Variants in SEMA3C observed in about 807,000 individuals in gnomAD.
SEMA3C encodes the protein semaphorin-3C.
SEMA3C carries 47 observed loss-of-function variants against 89.4 expected under a neutral mutation model. That is an observed-to-expected ratio of 0.53 (90% CI 0.42 to 0.67). SEMA3C has a LOEUF of 0.67. SEMA3C is among the 30% of genes least tolerant of loss of function. The probability of loss-of-function intolerance (pLI) is 0.00; values close to 1 mark genes in which losing one functional copy is unlikely to be tolerated. For synonymous variants in SEMA3C, 310 were observed against 320.2 expected (o/e 0.97, Z 0.34); for missense variants, 839 against 929.1 (o/e 0.90, Z 1.26).
Position 80,765,212 on chromosome 7 carries a change from A to G in SEMA3C, c.1386T>C (p.Leu462=), listed in dbSNP as rs750328099. 2.5e-6 allele frequency: 4 copies of G among 1,613,784 alleles called. No individual in the cohort carries two copies. The African/African-American group carries it at 5.3e-5, about 22-fold the overall frequency. The change falls in exon 13 of 18, where the codon CTT becomes CTC. Residue 462 remains leucine (L), a synonymous_variant. Coordinates refer to ENST00000265361, the MANE Select transcript of SEMA3C (RefSeq NM_006379.5). Reference sequence around the variant, plus strand: ...CGCCACTGACAGAGTTGTTAGTAGGAAGAACAACCACTTTTTGCACAGTAC... The same window carrying G: ...CGCCACTGACAGAGTTGTTAGTAGGGAGAACAACCACTTTTTGCACAGTAC... ...DRGTVQKVVV[L]PTNNSVSGEL... is the part of the protein sequence containing the mutation.
chr7:80,903,638 G>C (rs1373102068), intron 2 of SEMA3C, among the ~76,000 whole-genome samples: 1 of 152,168 alleles, frequency 6.6e-6, no homozygotes, highest in Admixed American at 6.5e-5. Flanking sequence ...CTCCAGCCTG[G>C]GTGACAGAGC....
intron 4 of SEMA3C, among the ~76,000 whole-genome samples, 174 bp from the exon 5 acceptor site, chr7:80,818,592 G>T (rs959329290): frequency 2.0e-5 from 3 of 151,942 alleles, no homozygotes; most frequent in African/African-American, 7.3e-5. Context: ...ACTGGAAGAA[G>T]AATTGTCTTG....
upstream of SEMA3C, among the ~76,000 whole-genome samples, chr7:80,921,715 ATACT>A (rs1792412547): frequency 6.6e-6 from 1 of 152,204 alleles, no homozygotes; most frequent in African/African-American, 2.4e-5. Flanking sequence ...CCAAACTAAA[ATACT>A]TAGGATAACT....
In SEMA3C at chr7:80,916,832, G is replaced by T; in HGVS notation, c.-38-13C>A. On this transcript the variant is annotated splice_polypyrimidine_tract_variant and intron_variant, in intron 1 of 17. Coordinates refer to ENST00000265361, the MANE Select transcript of SEMA3C (RefSeq NM_006379.5). The stretch of plus-strand genomic sequence containing the variant: ...CAAGGGAAAATACCTTTAAGAGAGA[G>T]ACAACATGTTTGTTATATCTCATTT... 11 of 1,604,656 alleles carry T rather than the reference G, an allele frequency of 6.9e-6. No individual in the cohort carries two copies. The highest frequency in any genetic ancestry group is 9.4e-6 in the Non-Finnish European group (11 of 1,175,850).
chr7:80,772,154 A>G (rs10266458), intron 12 of SEMA3C, among the ~76,000 whole-genome samples: 40,778 of 152,054 alleles, frequency 0.27, 6,816 homozygotes, highest in African/African-American at 0.46. Context: ...GACTAGACAC[A>G]TCAATTATTA....
At chr7:80,851,906 A>T (rs779085316) in intron 2 of SEMA3C, among the ~76,000 whole-genome samples, 2 of 152,232 alleles carry the variant, frequency 1.3e-5, no homozygotes, top group African/African-American at 4.8e-5. Flanking sequence ...TACATTAGAA[A>T]CTATAAAAGT....
intron 2 of SEMA3C, among the ~76,000 whole-genome samples, chr7:80,875,326 A>T (rs1791175265): frequency 6.6e-6 from 1 of 152,112 alleles, no homozygotes; most frequent in South Asian, 2.1e-4. Flanking sequence ...CTCCCTACTA[A>T]AGGGCATATA....
Position 80,828,670 on chromosome 7 carries a change from T to C in SEMA3C, c.179A>G (p.Asp60Gly). Residue 60 changes from aspartate (D) to glycine (G), a missense_variant, in exon 3 of 18, where the codon GAT becomes GGT. Coordinates refer to ENST00000265361, the MANE Select transcript of SEMA3C (RefSeq NM_006379.5). ...CACATATATCCGGTCCTGATCTTCATCCATTAATAAAATCCTGTAGTCTAA... is the reference window on the plus strand; with the variant it reads ...CACATATATCCGGTCCTGATCTTCACCCATTAATAAAATCCTGTAGTCTAA... ...HPLDYRILLMDEDQDRIYVGS... is the reference protein window; with the variant it reads ...HPLDYRILLMGEDQDRIYVGS... The C allele has an allele frequency of 6.2e-7, 1 of 1,612,280 alleles. No homozygotes were observed. Among genetic ancestry groups the C allele is most frequent in the Non-Finnish European group, 8.5e-7 (1 of 1,178,686 alleles).
At chr7:80,906,253 C>G (rs1168941032) in intron 2 of SEMA3C, among the ~76,000 whole-genome samples, 2 of 152,110 alleles carry the variant, frequency 1.3e-5, no homozygotes, top group Non-Finnish European at 2.9e-5. Flanking sequence ...ATCTAATATT[C>G]TTTTTACCCA....
At chr7:80,791,850 C>T (rs140005824) in intron 11 of SEMA3C, among the ~76,000 whole-genome samples, 2 of 152,304 alleles carry the variant, frequency 1.3e-5, no homozygotes, top group East Asian at 3.9e-4. Flanking sequence ...AGGCAGGCCT[C>T]CACGTGCAGC....
At chr7:80,750,473 T>TATATATATATATACACACAC (rs869227686) in intron 16 of SEMA3C, among the ~76,000 whole-genome samples, 3 of 55,456 alleles carry the variant, frequency 5.4e-5, no homozygotes, top group African/African-American at 7.4e-5. Flanking sequence ...TATATATATA[T>TATATATATATATACACACAC]ACACACACAC....
chr7:80,818,659 A>AT (rs1789670757), intron 4 of SEMA3C, among the ~76,000 whole-genome samples: 1 of 142,534 alleles, frequency 7.0e-6, no homozygotes, highest in African/African-American at 2.5e-5. Context: ...AAAAATAAAA[A>AT]TAAAAATAAA....
chr7:80,770,264 C>T (rs926597606), intron 12 of SEMA3C, among the ~76,000 whole-genome samples: 1 of 152,172 alleles, frequency 6.6e-6, no homozygotes, highest in African/African-American at 2.4e-5. Flanking sequence ...ATAAAACTCC[C>T]AATTACTTAT....
chr7:80,820,845 A>T (rs1158161775), intron 4 of SEMA3C, among the ~76,000 whole-genome samples: 1 of 152,136 alleles, frequency 6.6e-6, no homozygotes, highest in Non-Finnish European at 1.5e-5. Flanking sequence ...TTTCACATTC[A>T]AGTTTAGTCA....
At chr7:80,891,787 C>A (rs1341276156) in intron 2 of SEMA3C, among the ~76,000 whole-genome samples, 1 of 152,028 alleles carries the variant, frequency 6.6e-6, no homozygotes, top group African/African-American at 2.4e-5. Context: ...AACTAAAATT[C>A]ATTCTCCAGA....
chr7:80,852,068 A>G (rs972304877), intron 2 of SEMA3C, among the ~76,000 whole-genome samples: 2 of 152,154 alleles, frequency 1.3e-5, no homozygotes, highest in African/African-American at 4.8e-5. Context: ...TCAGGCTGCT[A>G]ATGCAAACAA....
At chr7:80,825,012 T>C (rs1488232933) in intron 4 of SEMA3C, among the ~76,000 whole-genome samples, 1 of 152,148 alleles carries the variant, frequency 6.6e-6, no homozygotes, top group Non-Finnish European at 1.5e-5. Context: ...AACTAATTTG[T>C]GCAAATTGAA....
chr7:80,789,492 T>C lies in SEMA3C; in HGVS notation c.1168A>G (p.Thr390Ala). 1.2e-6 allele frequency: 2 copies of C among 1,613,756 alleles called. No homozygotes were observed. ...GGAFTPNMRT[T>A]KEFPDDVVTF... ...ACAACATCATCTGGGAACTCCTTGG[T>C]GGTTCGCATATTGGGTGTAAATGCT... The change falls in exon 12 of 18, where the codon ACC (threonine) becomes GCC (alanine). Residue 390 changes from threonine to alanine, a missense_variant. Physicochemically the swap from Thr to Ala is moderately conservative, Grantham distance 58. Transcript: ENST00000265361.
At chr7:80,832,295 C>G (rs1288696294) in intron 2 of SEMA3C, among the ~76,000 whole-genome samples, 1 of 152,102 alleles carries the variant, frequency 6.6e-6, no homozygotes, top group African/African-American at 2.4e-5. Flanking sequence ...TTTGGGAAAA[C>G]TAGCTCATTT....
Sources: allele counts gnomAD v4.1 joint callset (sites outside exome capture counted in the v4.1 genomes callset), GRCh38; gene constraint gnomAD v4.1.1; transcripts MANE v1.5; gene names NCBI Gene and HGNC (gene_info 2026-07-23, HGNC 2026-07-21).